The following ZNF365 variants were observed in gnomAD, a reference collection of about 807,000 sequenced individuals.
ZNF365 encodes zinc finger protein 365.
A neutral mutation model predicts 35.0 loss-of-function variants in ZNF365; 22 were observed. The observed-to-expected ratio is 0.63, with a 90% CI of 0.45 to 0.90. ZNF365 has a LOEUF of 0.90. Ranked by LOEUF, ZNF365 falls within the 40% of genes least tolerant of loss-of-function variation. ZNF365 has a pLI of 0.00. For synonymous variants in ZNF365, 188 were observed against 196.2 expected (o/e 0.96, Z 0.35); for missense variants, 448 against 500.3 (o/e 0.90, Z 1.00).
chr10:62,430,708 C>T (rs1400713197), intron 3 of ZNF365, among the ~76,000 whole-genome samples: 1 of 152,142 alleles, frequency 6.6e-6, no homozygotes, highest in East Asian at 1.9e-4. Flanking sequence ...GCTGCCAAAA[C>T]AGGAAGGAGA....
At chr10:62,382,322 G>T (rs903463106) in intron 2 of ZNF365, among the ~76,000 whole-genome samples, 2 of 152,194 alleles carry the variant, frequency 1.3e-5, no homozygotes, top group African/African-American at 2.4e-5. Flanking sequence ...GGTCAGCGGG[G>T]TGGAGAAGGG....
chr10:62,480,126 G>A (rs1298976293), exon 5 of ZNF365: 1 of 1,334,044 alleles, frequency 7.5e-7, no homozygotes, highest in Admixed American at 3.4e-5. Flanking sequence ...GACTTCCTGA[G>A]GGCACAGCCC....
chr10:62,468,833 A>G (rs1414746365), intron 4 of ZNF365, among the ~76,000 whole-genome samples: 2 of 152,228 alleles, frequency 1.3e-5, no homozygotes, highest in Non-Finnish European at 2.9e-5. Flanking sequence ...CTGAAAAATT[A>G]AAGTTGAGAA....
intron 4 of ZNF365, among the ~76,000 whole-genome samples, chr10:62,466,269 A>T (rs1416910831): frequency 6.6e-6 from 1 of 151,872 alleles, no homozygotes; most frequent in Non-Finnish European, 1.5e-5. Context: ...GTCTGTCCAG[A>T]CCCTGGTGCC....
rs150300141 is a variant in ZNF365 at position 62,473,515 on chromosome 10, T to C, written c.982-6361T>C. ...GGGGCCAGACTTCCTGTGTTTGTAA[T>C]ACTAGTTCTACTATTAGTTAGTTAC... On this transcript the variant is annotated intron_variant, in intron 4 of 4. Transcript: ENST00000395255. Among the ~76,000 whole-genome samples, 5 of 152,318 alleles carry C rather than the reference T, an allele frequency of 3.3e-5. No homozygotes were observed. In the East Asian group the frequency reaches 7.7e-4, roughly 24 times the overall value.
Position 62,376,710 on chromosome 10 carries a change from G to T in ZNF365, c.517G>T (p.Asp173Tyr), listed in dbSNP as rs753296335. 2 of 1,614,060 alleles carry T rather than the reference G, an allele frequency of 1.2e-6. No individual in the cohort carries two copies. Among genetic ancestry groups the T allele is most frequent in the African/African-American group, 1.3e-5 (1 of 74,926 alleles). The change falls in exon 2 of 5, where the codon GAT becomes TAT. Residue 173 changes from aspartate (D) to tyrosine (Y), a missense_variant. Physicochemically the swap from Asp to Tyr is radical, Grantham distance 160. Coordinates refer to ENST00000395254, the MANE Select transcript of ZNF365 (RefSeq NM_014951.3). ...EKFNRMVEAV[D>Y]RTIEKRIDKL... The stretch of plus-strand genomic sequence containing the variant: ...ATTCAATCGAATGGTTGAGGCTGTG[G>T]ATAGGACCATTGAGAAGAGAATTGA...
chr10:62,437,544 C>T (rs1840426880), intron 3 of ZNF365, among the ~76,000 whole-genome samples: 1 of 152,122 alleles, frequency 6.6e-6, no homozygotes, highest in South Asian at 2.1e-4. Flanking sequence ...AAGTTTAAAG[C>T]GAGTTTTTAG....
At chr10:62,397,296 C>T (rs565934527) in intron 3 of ZNF365, among the ~76,000 whole-genome samples, 1 of 151,090 alleles carries the variant, frequency 6.6e-6, no homozygotes, top group East Asian at 1.9e-4. Context: ...AAGGAACTTC[C>T]TTTGCGGCTT....
rs534323765 is a variant in ZNF365, at chr10:62,409,284, A to C, written c.924+20708A>C. On this transcript the variant is annotated intron_variant, in intron 3 of 4. Coordinates refer to the ZNF365 transcript ENST00000395255. ...ATGACAGTTCTGACAGCAGAATCCT[A>C]GTGTTTTCAGTAGACCAATTCAGTG... Among the ~76,000 whole-genome samples the C allele has an allele frequency of 6.6e-4, 100 of 152,256 alleles. 1 individual carries two copies. The highest frequency in any genetic ancestry group is 2.3e-3 in the African/African-American group (94 of 41,548).
intron 3 of ZNF365, among the ~76,000 whole-genome samples, chr10:62,454,767 G>T (rs1488418192): frequency 6.6e-6 from 1 of 152,080 alleles, no homozygotes; most frequent in Non-Finnish European, 1.5e-5. Flanking sequence ...TCAATTTCTG[G>T]GCTGGACACA....
intron 4 of ZNF365, among the ~76,000 whole-genome samples, chr10:62,471,141 C>T (rs374990304): frequency 3.7e-4 from 56 of 151,940 alleles, no homozygotes; most frequent in South Asian, 6.2e-4. Context: ...CCAAGGCGGG[C>T]GGATCACGAG....
chr10:62,444,655 A>C lies in ZNF365; in HGVS notation c.925-15086A>C, dbSNP rs921055754. ...AATTCTTTCCTGCATGGGCCCTGGC[A>C]GTTAAACTTCTGAATGTTCGAATCT... On this transcript the variant is annotated intron_variant, in intron 3 of 4. Transcript: ENST00000395255. 8.5e-5 allele frequency among the ~76,000 whole-genome samples: 13 copies of C among 152,274 alleles called. No individual in the cohort carries two copies. In the South Asian group the frequency reaches 2.5e-3, roughly 29 times the overall value.
At chr10:62,389,466 G>A (rs1033883721) in intron 3 of ZNF365, among the ~76,000 whole-genome samples, 7 of 148,684 alleles carry the variant, frequency 4.7e-5, no homozygotes, top group Admixed American at 2.0e-4. Context: ...TTCCACCCCC[G>A]CAGCAAATGG....
chr10:62,413,253 G>A (rs1341012442), intron 3 of ZNF365, among the ~76,000 whole-genome samples: 2 of 151,970 alleles, frequency 1.3e-5, no homozygotes, highest in South Asian at 2.1e-4. Flanking sequence ...TAGTTCCTCC[G>A]ACTCATACTA....
chr10:62,397,439 AT>A (rs1420205667), intron 3 of ZNF365, among the ~76,000 whole-genome samples: 1 of 152,068 alleles, frequency 6.6e-6, no homozygotes, highest in African/African-American at 2.4e-5. Flanking sequence ...TCCATATTTT[AT>A]TTGTCGTTTC....
intron 2 of ZNF365, among the ~76,000 whole-genome samples, chr10:62,386,566 G>C (rs1469533341): frequency 2.0e-5 from 3 of 152,172 alleles, no homozygotes; most frequent in African/African-American, 2.4e-5. Flanking sequence ...AATTCCCAAA[G>C]TTTTGTAAGG....
intron 4 of ZNF365, among the ~76,000 whole-genome samples, chr10:62,478,024 C>T (rs1422758348): frequency 6.6e-6 from 1 of 152,206 alleles, no homozygotes; most frequent in Non-Finnish European, 1.5e-5. Flanking sequence ...AACATACTCA[C>T]CCCTTCTCCA....
intron 3 of ZNF365, among the ~76,000 whole-genome samples, chr10:62,459,296 T>A (rs141562678): frequency 3.3e-5 from 5 of 152,188 alleles, no homozygotes; most frequent in African/African-American, 1.2e-4. Context: ...TTGGACTCCA[T>A]TCAGAGGCAC....
intron 3 of ZNF365, among the ~76,000 whole-genome samples, chr10:62,428,119 A>G (rs1452130997): frequency 1.3e-5 from 2 of 152,172 alleles, no homozygotes; most frequent in Non-Finnish European, 2.9e-5. Context: ...GCGTGTCAGG[A>G]CACAAATATT....
Sources: allele counts gnomAD v4.1 joint callset (sites outside exome capture counted in the v4.1 genomes callset), GRCh38; gene constraint gnomAD v4.1.1; transcripts MANE v1.5; gene names NCBI Gene and HGNC (gene_info 2026-07-23, HGNC 2026-07-21).